The following VPS13B variants were observed in gnomAD, a reference collection of about 807,000 sequenced individuals.
VPS13B encodes vacuolar protein sorting 13 homolog B.
Under a neutral mutation model 426.4 loss-of-function variants are expected in VPS13B, and 285 were observed. The ratio of observed to expected loss-of-function variants is 0.67; its 90% CI spans 0.61 to 0.74. VPS13B has a LOEUF of 0.74. Among genes scored for constraint, VPS13B ranks in the 30% least tolerant of loss-of-function variants. VPS13B has a pLI of 0.00. For missense variants in VPS13B, 4,537 were observed against 4,782.6 expected, an observed-to-expected ratio of 0.95 and a Z score of 1.51; for synonymous variants, 1,676 against 1,676.4, an observed-to-expected ratio of 1.00 and a Z score of 0.01.
Position 99,699,998 on chromosome 8 carries a change from G to T in VPS13B, c.6454+66G>T, listed in dbSNP as rs953548965. 2.1e-5 allele frequency: 32 copies of T among 1,558,120 alleles called. 1 individual carries two copies. The East Asian group carries it at 7.3e-4, about 35-fold the overall frequency. Reference sequence around the variant, plus strand: ...AGATGATTTGTTAACATCTGAAAATGCATCATTTTGAAGATTTATATTATG... The same window carrying T: ...AGATGATTTGTTAACATCTGAAAATTCATCATTTTGAAGATTTATATTATG... On this transcript the variant is annotated intron_variant, in intron 36 of 61. Transcript: ENST00000357162.
chr8:99,148,146 G>A, intron 14 of VPS13B, 136 bp downstream of exon 14: 1 of 939,008 alleles, frequency 1.1e-6, no homozygotes, highest in Non-Finnish European at 1.6e-6. Context: ...AGGAGGCTGG[G>A]GCAGGATGCA....
intron 54 of VPS13B, among the ~76,000 whole-genome samples, chr8:99,839,594 G>A (rs376732483): frequency 6.6e-6 from 1 of 152,178 alleles, no homozygotes; most frequent in African/African-American, 2.4e-5. Flanking sequence ...GGAGCAAGCC[G>A]GAGCCTAAAT....
chr8:99,712,547 A>G (rs1183384238), intron 36 of VPS13B, among the ~76,000 whole-genome samples: 2 of 152,168 alleles, frequency 1.3e-5, no homozygotes, highest in East Asian at 3.9e-4. Flanking sequence ...CCTTCATTGC[A>G]GGGCCTCTGT....
intron 10 of VPS13B, 114 bp from the exon 11 acceptor site, chr8:99,135,482 C>A: frequency 7.4e-7 from 1 of 1,355,498 alleles, no homozygotes; most frequent in Non-Finnish European, 1.0e-6. Context: ...CCTTATCTTT[C>A]TGTTTTAGTG....
chr8:99,311,554 T>A (rs1313851831), intron 19 of VPS13B, among the ~76,000 whole-genome samples: 1 of 152,240 alleles, frequency 6.6e-6, no homozygotes, highest in Non-Finnish European at 1.5e-5. Flanking sequence ...ATAATTTCTG[T>A]TCTTTTACAT....
At chr8:99,686,893 C>G (rs567055845) in intron 35 of VPS13B, among the ~76,000 whole-genome samples, 45 of 152,088 alleles carry the variant, frequency 3.0e-4, no homozygotes, top group Admixed American at 5.9e-4. Flanking sequence ...GACAAACTAC[C>G]CTTCACTTTT....
chr8:99,548,756 A>G (rs1824121571), intron 30 of VPS13B, among the ~76,000 whole-genome samples: 1 of 151,946 alleles, frequency 6.6e-6, no homozygotes, highest in South Asian at 2.1e-4. Flanking sequence ...TATTTTTTGG[A>G]AAATGAAGTA....
chr8:99,083,375 C>G (rs1365473027), intron 3 of VPS13B, among the ~76,000 whole-genome samples: 2 of 152,166 alleles, frequency 1.3e-5, no homozygotes, highest in African/African-American at 4.8e-5. Flanking sequence ...ATGGGGTTTT[C>G]TAGATATACA....
chr8:99,563,672 C>A (rs1033787742), intron 31 of VPS13B, among the ~76,000 whole-genome samples: 4 of 152,124 alleles, frequency 2.6e-5, no homozygotes, highest in Non-Finnish European at 4.4e-5. Flanking sequence ...AGCAGTAGAT[C>A]CAGAGGCTAG....
At chr8:99,767,033 C>A in intron 40 of VPS13B, 63 bp downstream of exon 40, 1 of 1,520,450 alleles carries the variant, frequency 6.6e-7, no homozygotes, top group South Asian at 1.1e-5. Flanking sequence ...TCATCTTTTC[C>A]TATCTAGTGA....
intron 16 of VPS13B, among the ~76,000 whole-genome samples, chr8:99,187,007 T>A (rs1048425091): frequency 6.6e-6 from 1 of 151,942 alleles, no homozygotes; most frequent in Non-Finnish European, 1.5e-5. Flanking sequence ...GACCTGCTTG[T>A]AAAAAAAATG....
intron 3 of VPS13B, among the ~76,000 whole-genome samples, chr8:99,053,316 T>C (rs539407001): frequency 3.2e-4 from 48 of 151,938 alleles, no homozygotes; most frequent in African/African-American, 1.1e-3. Context: ...ACAGTCCCCA[T>C]TGTGTGATGT....
intron 19 of VPS13B, among the ~76,000 whole-genome samples, chr8:99,383,182 G>A (rs958082518): frequency 6.6e-6 from 1 of 152,086 alleles, no homozygotes; most frequent in Non-Finnish European, 1.5e-5. Flanking sequence ...TTAGTTGGTT[G>A]GAATTGCAGC....
chr8:99,080,167 A>C (rs943572279), intron 3 of VPS13B, among the ~76,000 whole-genome samples: 1 of 151,722 alleles, frequency 6.6e-6, no homozygotes, highest in Non-Finnish European at 1.5e-5. Flanking sequence ...GTGTATTGCA[A>C]ATATATTCTG....
At chr8:99,471,936 G>A (rs1053949721) in intron 24 of VPS13B, among the ~76,000 whole-genome samples, 2 of 152,078 alleles carry the variant, frequency 1.3e-5, no homozygotes, top group African/African-American at 4.8e-5. Context: ...AGATGCTACC[G>A]TATAATACCT....
chr8:99,853,388 AGAAAG>A, intron 55 of VPS13B, 58 bp from the exon 56 acceptor site: 1 of 1,566,702 alleles, frequency 6.4e-7, no homozygotes, highest in Non-Finnish European at 8.8e-7. Flanking sequence ...TCAATAAAAA[AGAAAG>A]AAGAGAGAAA....
At chr8:99,279,602 A>G (rs1462005463) in intron 19 of VPS13B, among the ~76,000 whole-genome samples, 1 of 152,044 alleles carries the variant, frequency 6.6e-6, no homozygotes, top group South Asian at 2.1e-4. Flanking sequence ...TTCTTATGCT[A>G]TATTTTGCCT....
chr8:99,101,967 TA>T (rs1192004026), intron 4 of VPS13B, among the ~76,000 whole-genome samples: 20 of 152,218 alleles, frequency 1.3e-4, no homozygotes. Flanking sequence ...GTTAGCTTTT[TA>T]CAGTGGAAAA....
intron 54 of VPS13B, 80 bp downstream of exon 54, chr8:99,835,818 CAT>C (rs891060530): frequency 7.1e-7 from 1 of 1,400,046 alleles, no homozygotes; most frequent in African/African-American, 1.4e-5. Context: ...TATTTTTAAA[CAT>C]AATTTTCTAA....
Sources: gnomAD v4.1 joint callset for allele counts (sites outside exome capture counted in the v4.1 genomes callset) on GRCh38, gnomAD v4.1.1 for gene constraint, MANE v1.5 for transcripts, NCBI Gene and HGNC (gene_info 2026-07-23, HGNC 2026-07-21) for gene names.